DTX1: variants seen among roughly 807,000 people sequenced by gnomAD.
The protein encoded by DTX1 is E3 ubiquitin-protein ligase DTX1.
Under a neutral mutation model 57.8 loss-of-function variants are expected in DTX1, and 26 were observed. The ratio of observed to expected loss-of-function variants is 0.45; its 90% CI spans 0.33 to 0.62. The LOEUF (loss-of-function observed/expected upper bound fraction) is 0.62, where lower values mean the gene tolerates loss of function less well. Among genes scored for constraint, DTX1 ranks in the 20% least tolerant of loss-of-function variants. The probability of loss-of-function intolerance (pLI) is 0.02; values close to 1 mark genes in which losing one functional copy is unlikely to be tolerated. For synonymous variants in DTX1, 398 were observed against 394.1 expected, an observed-to-expected ratio of 1.01 and a Z score of -0.12; for missense variants, 704 against 895.3, an observed-to-expected ratio of 0.79 and a Z score of 2.73.
intron 3 of DTX1, among the ~76,000 whole-genome samples, chr12:113,092,497 G>T (rs1248207794): frequency 1.3e-5 from 2 of 151,992 alleles, no homozygotes; most frequent in African/African-American, 2.4e-5. Context: ...GAAGAGGAGA[G>T]TCAGGATACC....
At chr12:113,086,428 A>G (rs2044857572) in intron 3 of DTX1, among the ~76,000 whole-genome samples, 1 of 152,058 alleles carries the variant, frequency 6.6e-6, no homozygotes, top group Non-Finnish European at 1.5e-5. Flanking sequence ...AGAGAGGAAA[A>G]GGCGCCAGGT....
chr12:113,066,314 A>C (rs2136425398), intron 2 of DTX1, among the ~76,000 whole-genome samples: 1 of 152,236 alleles, frequency 6.6e-6, no homozygotes, highest in African/African-American at 2.4e-5. Flanking sequence ...GGATCACCTG[A>C]GGTCAGGAGT....
chr12:113,058,200 G>C lies in DTX1; in HGVS notation c.8G>C (p.Arg3Pro). 2 of 1,602,068 alleles carry C rather than the reference G, an allele frequency of 1.2e-6. No individual in the cohort carries two copies. The highest frequency in any genetic ancestry group is 8.5e-7 in the Non-Finnish European group (1 of 1,173,102). ...CCTGAGGCAGTGGCGGCCATGTCAC[G>C]GCCAGGCCACGGTGGGCTGATGCCT... is the stretch of plus-strand genomic sequence containing the variant. MS[R>P]PGHGGLMPVN... Residue 3 changes from arginine (R) to proline (P), a missense_variant, in exon 2 of 10, where the codon CGG becomes CCG. This residue lies in a region of DTX1 where 237 missense variants were observed against 328.6 expected (regional missense o/e 0.72). Transcript: ENST00000548759.
chr12:113,075,962 A>AG (rs1388739464), intron 2 of DTX1, among the ~76,000 whole-genome samples: 15 of 151,806 alleles, frequency 9.9e-5, no homozygotes, highest in Admixed American at 3.3e-4. Context: ...CATTCTAGCG[A>AG]GGGGGGGACA....
At position 113,093,088 on chromosome 12, in the gene DTX1, GA is replaced by G; in HGVS notation, c.942-72del. 1 of 1,498,504 alleles carries G rather than the reference GA, an allele frequency of 6.7e-7. No individual in the cohort carries two copies. The highest frequency in any genetic ancestry group is 1.2e-5 in the South Asian group (1 of 82,652). The allele number at this position is 1,498,504 out of a possible 1,614,324, so 92.8% of individuals were successfully genotyped here. A position where few individuals can be genotyped will look rare whatever the true frequency, so the allele number is the denominator to read the frequency against. ...GTGTGTGGCCCAGGAGCCAGAGACA[GA>G]AGGCAAGCCAGGTCCCCTGACGTCG... On this transcript the variant is annotated intron_variant, in intron 3 of 9. Transcript: ENST00000548759. This position sits in a 1 kb window ranked among gnomAD's most constrained non-coding sequence, Gnocchi z 4.2.
At chr12:113,075,461 C>G (rs1322097684) in intron 2 of DTX1, among the ~76,000 whole-genome samples, 1 of 152,342 alleles carries the variant, frequency 6.6e-6, no homozygotes, top group South Asian at 2.1e-4. Context: ...AAGTGTGCAG[C>G]CTTTCTGCAG....
chr12:113,066,915 AG>A (rs1180347382), intron 2 of DTX1, among the ~76,000 whole-genome samples: 2 of 151,996 alleles, frequency 1.3e-5, no homozygotes, highest in African/African-American at 2.4e-5. Flanking sequence ...AGTCTCCTCT[AG>A]GTCCCGCATA....
chr12:113,057,872 G>A lies in DTX1; in HGVS notation c.-321G>A, dbSNP rs113426042. 2,588 of 343,254 alleles carry A rather than the reference G, an allele frequency of 7.5e-3. 29 individuals are homozygous for A. Among genetic ancestry groups the A allele is most frequent in the Non-Finnish European group, 9.2e-3 (1,741 of 188,468 alleles). The allele number at this position is 343,254 out of a possible 1,614,324, so 21.3% of individuals were successfully genotyped here. On this transcript the variant is annotated 5_prime_UTR_variant, in exon 2 of 10. Coordinates refer to ENST00000548759, the MANE Select transcript of DTX1 (RefSeq NM_004416.3). ...GGCTGGACCTCGAACAGGGGCGGCT[G>A]CCTCACTCCCTACCTGAGCCAGCCG...
intron 2 of DTX1, among the ~76,000 whole-genome samples, chr12:113,072,696 C>CTTTTTTTTTTTTTT (rs60642403): frequency 1.4e-5 from 1 of 71,146 alleles, no homozygotes; most frequent in African/African-American, 5.2e-5. Flanking sequence ...GAGAGATTTT[C>CTTTTTTTTTTTTTT]TTTTTTTTTT....
Position 113,058,006 on chromosome 12 carries a change from C to G in DTX1, c.-187C>G. 1 of 922,322 alleles carries G rather than the reference C, an allele frequency of 1.1e-6. No homozygotes were observed. The highest frequency in any genetic ancestry group is 1.6e-6 in the Non-Finnish European group (1 of 633,722). 57.1% of individuals were successfully genotyped at this position (922,322 alleles called of 1,614,324 possible). A position where few individuals can be genotyped will look rare whatever the true frequency, so the allele number is the denominator to read the frequency against. On this transcript the variant is annotated 5_prime_UTR_variant, in exon 2 of 10. Transcript: ENST00000548759. ...CTCTACAGGGAAGGGGTCTTTGCAG[C>G]CTGGATGGCCATCCCACATTCCTTT...
Position 113,058,040 on chromosome 12 carries a change from T to G in DTX1, c.-153T>G. The stretch of plus-strand genomic sequence containing the variant: ...CCATCCCACATTCCTTTAACGGAGG[T>G]CTCTAGGCCTCAGAGAGAACCCAGA... On this transcript the variant is annotated 5_prime_UTR_variant, in exon 2 of 10. Transcript: ENST00000548759. 2 of 1,253,532 alleles carry G rather than the reference T, an allele frequency of 1.6e-6. No individual in the cohort carries two copies. The highest frequency in any genetic ancestry group is 2.1e-6 in the Non-Finnish European group (2 of 936,286). The allele number at this position is 1,253,532 out of a possible 1,614,324, so 77.7% of individuals were successfully genotyped here.
intron 3 of DTX1, among the ~76,000 whole-genome samples, chr12:113,084,872 C>T (rs2044844212): frequency 6.6e-6 from 1 of 152,224 alleles, no homozygotes; most frequent in African/African-American, 2.4e-5. Context: ...TCCAGCCAGC[C>T]TGTACTGTTT....
intron 2 of DTX1, among the ~76,000 whole-genome samples, chr12:113,076,939 C>T (rs1395594114): frequency 6.6e-6 from 1 of 152,132 alleles, no homozygotes; most frequent in Non-Finnish European, 1.5e-5. Flanking sequence ...GAAGAACCCC[C>T]AGGCCCCCTT....
chr12:113,060,243 T>C (rs2044656193), intron 2 of DTX1, among the ~76,000 whole-genome samples: 1 of 152,196 alleles, frequency 6.6e-6, no homozygotes, highest in Non-Finnish European at 1.5e-5. Flanking sequence ...CTCTGCTGTG[T>C]GTCAATTTCT....
chr12:113,066,182 C>T (rs1268520637), intron 2 of DTX1, among the ~76,000 whole-genome samples: 1 of 152,202 alleles, frequency 6.6e-6, no homozygotes, highest in Non-Finnish European at 1.5e-5. Flanking sequence ...TCGGGGAATG[C>T]TGTTGGTGAG....
chr12:113,077,389 G>A lies in DTX1; in HGVS notation c.260-35G>A, dbSNP rs111605636. 3 of 1,418,206 alleles carry A rather than the reference G, an allele frequency of 2.1e-6. No individual in the cohort carries two copies. The highest frequency in any genetic ancestry group is 3.0e-5 in the East Asian group (1 of 33,108). The allele number at this position is 1,418,206 out of a possible 1,614,324, so 87.9% of individuals were successfully genotyped here. A position where few individuals can be genotyped will look rare whatever the true frequency, so the allele number is the denominator to read the frequency against. On this transcript the variant is annotated intron_variant, in intron 2 of 9. Transcript: ENST00000548759. This position sits in a 1 kb window ranked among gnomAD's most constrained non-coding sequence, Gnocchi z 7.8. Reference sequence around the variant, plus strand: ...CTTCCAGCCGCGCAGACCAACGCCCGCTGTGCTGACGCCTCCTCCCCATTT... The same window carrying A: ...CTTCCAGCCGCGCAGACCAACGCCCACTGTGCTGACGCCTCCTCCCCATTT...
At chr12:113,069,205 G>A (rs1039270037) in intron 2 of DTX1, among the ~76,000 whole-genome samples, 1 of 152,026 alleles carries the variant, frequency 6.6e-6, no homozygotes, top group South Asian at 2.1e-4. Flanking sequence ...GCAGTTTGGA[G>A]GGCTCAGGCT....
At chr12:113,089,266 TG>T (rs1950228213) in intron 3 of DTX1, among the ~76,000 whole-genome samples, 1 of 151,842 alleles carries the variant, frequency 6.6e-6, no homozygotes, top group Non-Finnish European at 1.5e-5. Flanking sequence ...AGAGGGTAGA[TG>T]GGGGCCAGAT....
At chr12:113,073,812 A>G (rs1252859015) in intron 2 of DTX1, among the ~76,000 whole-genome samples, 2 of 152,210 alleles carry the variant, frequency 1.3e-5, no homozygotes, top group African/African-American at 2.4e-5. Context: ...TTGAGGTCCT[A>G]CTGTGTGCAG....
Sources: gnomAD v4.1 joint callset for allele counts (sites outside exome capture counted in the v4.1 genomes callset) on GRCh38, gnomAD v4.1.1 for gene constraint, gnomAD v4.1.1 regional missense constraint, Gnocchi (gnomAD v3.1) non-coding constraint, MANE v1.5 for transcripts, NCBI Gene and HGNC (gene_info 2026-07-23, HGNC 2026-07-21) for gene names.